The following KIAA0825 variants were observed in gnomAD, a reference collection of about 807,000 sequenced individuals.
KIAA0825 encodes KIAA0825, also known as uncharacterized protein KIAA0825.
In KIAA0825, 119 loss-of-function variants were observed where a neutral mutation model predicts 147.6. That is an observed-to-expected ratio of 0.81 (90% CI 0.69 to 0.94). KIAA0825 has a LOEUF of 0.94. Ranked by LOEUF, KIAA0825 falls within the 40% of genes least tolerant of loss-of-function variation. The pLI is 0.00. For synonymous variants in KIAA0825, 470 were observed against 518.1 expected (o/e 0.91, Z 1.26); for missense variants, 1,381 against 1,472.7 (o/e 0.94, Z 1.02).
chr5:94,168,428 TA>T (rs754182744), intron 20 of KIAA0825, among the ~76,000 whole-genome samples: 13 of 152,290 alleles, frequency 8.5e-5, no homozygotes, highest in Non-Finnish European at 1.9e-4. Flanking sequence ...CAATTTATTT[TA>T]ATTAATATGA....
intron 20 of KIAA0825, among the ~76,000 whole-genome samples, chr5:94,245,408 C>A (rs1308262103): frequency 6.6e-6 from 1 of 152,106 alleles, no homozygotes; most frequent in African/African-American, 2.4e-5. Context: ...AAAACTGAAG[C>A]CTGCTTATAA....
chr5:94,480,850 TA>T (rs1562541298), intron 6 of KIAA0825, among the ~76,000 whole-genome samples: 1 of 152,030 alleles, frequency 6.6e-6, no homozygotes, highest in African/African-American at 2.4e-5. Context: ...TAAAATGGTT[TA>T]AAAAAACTTA....
chr5:94,277,888 A>G (rs1182955875), intron 20 of KIAA0825, among the ~76,000 whole-genome samples: 1 of 152,226 alleles, frequency 6.6e-6, no homozygotes, highest in Admixed American at 6.5e-5. Flanking sequence ...GATAGACTGG[A>G]TTAAGAAAAT....
At chr5:94,553,617 T>A (rs1775970027) in intron 2 of KIAA0825, among the ~76,000 whole-genome samples, 1 of 150,536 alleles carries the variant, frequency 6.6e-6, no homozygotes, top group South Asian at 2.1e-4. Flanking sequence ...ATACAAAAAA[T>A]TAGCCGGGCA....
intron 20 of KIAA0825, among the ~76,000 whole-genome samples, chr5:94,285,516 C>T (rs1228682907): frequency 6.6e-6 from 1 of 152,028 alleles, no homozygotes; most frequent in Non-Finnish European, 1.5e-5. Flanking sequence ...CAAAATTGCC[C>T]ATATTGAATG....
chr5:94,358,464 A>G (rs975630684), intron 20 of KIAA0825, among the ~76,000 whole-genome samples: 1 of 152,250 alleles, frequency 6.6e-6, no homozygotes, highest in Non-Finnish European at 1.5e-5. Flanking sequence ...TTTCTGAAGC[A>G]CTATGAATTT....
intron 20 of KIAA0825, among the ~76,000 whole-genome samples, chr5:94,170,346 A>G (rs1205788343): frequency 1.3e-5 from 2 of 152,182 alleles, no homozygotes; most frequent in African/African-American, 4.8e-5. Context: ...ACAATAGTGA[A>G]ACATGAACTA....
At chr5:94,290,935 T>C (rs1263067630) in intron 20 of KIAA0825, among the ~76,000 whole-genome samples, 1 of 152,248 alleles carries the variant, frequency 6.6e-6, no homozygotes, top group Non-Finnish European at 1.5e-5. Context: ...TGTCTTCTTT[T>C]GAAAAGTATC....
chr5:94,317,414 G>A (rs1779756230), intron 20 of KIAA0825, among the ~76,000 whole-genome samples: 1 of 151,872 alleles, frequency 6.6e-6, no homozygotes. Flanking sequence ...TCCAAACACA[G>A]AGAGTCTCAT....
chr5:94,166,504 GTT>G (rs535152982), intron 20 of KIAA0825, among the ~76,000 whole-genome samples: 1,694 of 100,604 alleles, frequency 0.017, 11 homozygotes, highest in African/African-American at 0.059. Flanking sequence ...CCTCTTGGTT[GTT>G]TTTTTTTTTT....
chr5:94,208,413 T>C (rs908652792), intron 20 of KIAA0825, among the ~76,000 whole-genome samples: 2 of 152,284 alleles, frequency 1.3e-5, no homozygotes, highest in South Asian at 2.1e-4. Context: ...CACAAACATT[T>C]ACTGTACATA....
At chr5:94,366,451 C>T (rs1256605311) in intron 20 of KIAA0825, among the ~76,000 whole-genome samples, 2 of 152,116 alleles carry the variant, frequency 1.3e-5, no homozygotes, top group Admixed American at 6.5e-5. Context: ...TCCTCACCCA[C>T]GTCCTCCTTT....
chr5:94,279,455 G>A (rs1431936476), intron 20 of KIAA0825, among the ~76,000 whole-genome samples: 1 of 151,980 alleles, frequency 6.6e-6, no homozygotes, highest in East Asian at 1.9e-4. Context: ...GTGTTTAAAT[G>A]GAATATTATA....
chr5:94,568,688 T>C (rs1004115192), intron 2 of KIAA0825: 2 of 152,532 alleles, frequency 1.3e-5, no homozygotes, highest in African/African-American at 4.8e-5. Flanking sequence ...ACTGTGTACA[T>C]TTCACTTTTC....
At chr5:94,421,125 G>C (rs1426000143) in intron 14 of KIAA0825, among the ~76,000 whole-genome samples, 1 of 152,174 alleles carries the variant, frequency 6.6e-6, no homozygotes, top group East Asian at 1.9e-4. Context: ...TAAAGGGCCA[G>C]ACACTTTATG....
chr5:94,318,266 T>G (rs1008857398), intron 20 of KIAA0825, among the ~76,000 whole-genome samples: 24 of 151,832 alleles, frequency 1.6e-4, no homozygotes, highest in Non-Finnish European at 3.5e-4. Context: ...ATATAAGCAT[T>G]TATAGGTATA....
intron 20 of KIAA0825, among the ~76,000 whole-genome samples, chr5:94,340,529 A>C (rs1413557385): frequency 6.6e-6 from 1 of 152,216 alleles, no homozygotes; most frequent in Non-Finnish European, 1.5e-5. Flanking sequence ...ATTTTTCACA[A>C]TTCAGTGCAT....
At chr5:94,300,644 G>A (rs1197367721) in intron 20 of KIAA0825, among the ~76,000 whole-genome samples, 1 of 152,076 alleles carries the variant, frequency 6.6e-6, no homozygotes, top group African/African-American at 2.4e-5. Context: ...AGAATAGCAA[G>A]TTCTGCTTAT....
At chr5:94,245,348 C>A (rs1775551830) in intron 20 of KIAA0825, among the ~76,000 whole-genome samples, 1 of 152,130 alleles carries the variant, frequency 6.6e-6, no homozygotes, top group South Asian at 2.1e-4. Flanking sequence ...AACAGTTGTT[C>A]TGGTTGTGTA....
Sources: gnomAD v4.1 joint callset for allele counts (sites outside exome capture counted in the v4.1 genomes callset) on GRCh38, gnomAD v4.1.1 for gene constraint, MANE v1.5 for transcripts, NCBI Gene and HGNC (gene_info 2026-07-23, HGNC 2026-07-21) for gene names.